The following GPC5 variants were observed in gnomAD, a reference collection of about 807,000 sequenced individuals.
GPC5 encodes glypican-5.
A neutral mutation model predicts 53.9 loss-of-function variants in GPC5; 47 were observed. The ratio of observed to expected loss-of-function variants is 0.87; its 90% CI spans 0.69 to 1.11. The LOEUF is 1.11. GPC5 is among the 50% of genes most tolerant of loss of function. GPC5 has a pLI of 0.00. For synonymous variants in GPC5, 286 were observed against 263.3 expected, an observed-to-expected ratio of 1.09 and a Z score of -0.84; for missense variants, 748 against 713.1, an observed-to-expected ratio of 1.05 and a Z score of -0.56.
At chr13:92,325,508 AT>A (rs1240263662) in intron 7 of GPC5, among the ~76,000 whole-genome samples, 1 of 152,084 alleles carries the variant, frequency 6.6e-6, no homozygotes, top group Non-Finnish European at 1.5e-5. Flanking sequence ...TGTTGTTGTG[AT>A]TCTTAAGGAT....
At chr13:92,108,084 C>T (rs1438304593) in intron 6 of GPC5, among the ~76,000 whole-genome samples, 1 of 152,130 alleles carries the variant, frequency 6.6e-6, no homozygotes, top group African/African-American at 2.4e-5. Context: ...CCAACCCAGC[C>T]ACTTTGTTCC....
At chr13:92,260,429 A>G (rs2042758036) in intron 7 of GPC5, among the ~76,000 whole-genome samples, 1 of 152,212 alleles carries the variant, frequency 6.6e-6, no homozygotes, top group African/African-American at 2.4e-5. Context: ...GGAATATGAA[A>G]GTACTATCAT....
chr13:91,923,401 T>C (rs1485670380), intron 6 of GPC5, among the ~76,000 whole-genome samples: 3 of 152,206 alleles, frequency 2.0e-5, no homozygotes, highest in Non-Finnish European at 4.4e-5. Context: ...AAGCAGTTAA[T>C]GCACCTTGAA....
chr13:92,094,919 C>T (rs1277912565), intron 6 of GPC5, among the ~76,000 whole-genome samples: 5 of 151,688 alleles, frequency 3.3e-5, no homozygotes, highest in African/African-American at 1.2e-4. Flanking sequence ...GTTCCATAAC[C>T]TTTGGCTTGT....
chr13:92,172,732 A>G (rs1214020363), intron 7 of GPC5, among the ~76,000 whole-genome samples: 1 of 151,882 alleles, frequency 6.6e-6, no homozygotes, highest in East Asian at 1.9e-4. Flanking sequence ...ACTCTCCTAT[A>G]TGTTGTTTGA....
chr13:91,889,047 C>A (rs901388613), intron 5 of GPC5, among the ~76,000 whole-genome samples: 13 of 152,198 alleles, frequency 8.5e-5, no homozygotes, highest in Admixed American at 7.2e-4. Context: ...TGCCTCGCCT[C>A]CCAGGGCTTT....
intron 6 of GPC5, among the ~76,000 whole-genome samples, chr13:92,045,859 G>A (rs2040977912): frequency 6.6e-6 from 1 of 152,044 alleles, no homozygotes; most frequent in South Asian, 2.1e-4. Flanking sequence ...CAGATATGGG[G>A]GATGAGAAAA....
chr13:92,784,460 C>G (rs1292782066), intron 7 of GPC5, among the ~76,000 whole-genome samples: 1 of 151,656 alleles, frequency 6.6e-6, no homozygotes, highest in East Asian at 1.9e-4. Flanking sequence ...AAAAGATGTA[C>G]TTTACTCACA....
chr13:91,858,137 T>G (rs1039245144), intron 5 of GPC5, among the ~76,000 whole-genome samples: 1 of 151,826 alleles, frequency 6.6e-6, no homozygotes, highest in Non-Finnish European at 1.5e-5. Context: ...CCAATTTGCA[T>G]GTCCCTTTAT....
chr13:92,373,303 A>G (rs1594142278), intron 7 of GPC5, among the ~76,000 whole-genome samples: 1 of 152,242 alleles, frequency 6.6e-6, no homozygotes, highest in East Asian at 1.9e-4. Context: ...TATATTTGTT[A>G]TGCTAATGTG....
chr13:91,465,743 C>CTTTAAA (rs1242896226), intron 2 of GPC5, among the ~76,000 whole-genome samples: 1 of 152,074 alleles, frequency 6.6e-6, no homozygotes, highest in Non-Finnish European at 1.5e-5. Flanking sequence ...GAGTACTTAT[C>CTTTAAA]TTTAACTTTT....
chr13:92,640,738 C>T (rs913134568), intron 7 of GPC5, among the ~76,000 whole-genome samples: 3 of 152,036 alleles, frequency 2.0e-5, no homozygotes, highest in Admixed American at 1.3e-4. Context: ...TAGGCAATAG[C>T]TTGAAGGGGT....
intron 1 of GPC5, among the ~76,000 whole-genome samples, chr13:91,437,490 T>C (rs1304175140): frequency 2.6e-5 from 4 of 152,264 alleles, no homozygotes; most frequent in Admixed American, 2.6e-4. Context: ...AAAATTCTTT[T>C]CTTTAAGAAT....
chr13:92,119,393 T>TTG (rs2041627639), intron 6 of GPC5, among the ~76,000 whole-genome samples: 1 of 118,628 alleles, frequency 8.4e-6, no homozygotes, highest in African/African-American at 3.3e-5. Flanking sequence ...GATTTTAGTT[T>TTG]TTTTTTTTTT....
intron 7 of GPC5, among the ~76,000 whole-genome samples, chr13:92,175,492 C>T (rs1309337852): frequency 1.3e-5 from 2 of 152,154 alleles, no homozygotes; most frequent in Non-Finnish European, 2.9e-5. Flanking sequence ...GTGATGCCTA[C>T]TGCTGTAGTC....
At chr13:92,360,392 A>G (rs1041684193) in intron 7 of GPC5, among the ~76,000 whole-genome samples, 1 of 151,782 alleles carries the variant, frequency 6.6e-6, no homozygotes, top group Non-Finnish European at 1.5e-5. Context: ...GATTGCTTCA[A>G]TAGATCCATA....
intron 2 of GPC5, among the ~76,000 whole-genome samples, chr13:91,538,293 G>A (rs1311032093): frequency 6.6e-6 from 1 of 152,096 alleles, no homozygotes; most frequent in African/African-American, 2.4e-5. Flanking sequence ...TTTGATCCAG[G>A]GATAGGAGAC....
intron 7 of GPC5, among the ~76,000 whole-genome samples, chr13:92,391,507 C>A (rs1375710373): frequency 1.3e-5 from 2 of 152,058 alleles, no homozygotes; most frequent in African/African-American, 2.4e-5. Context: ...ATGCTGAATA[C>A]CTTCAGACTT....
chr13:91,713,795 C>A (rs1019152178), intron 3 of GPC5, among the ~76,000 whole-genome samples: 2 of 152,192 alleles, frequency 1.3e-5, no homozygotes, highest in Non-Finnish European at 2.9e-5. Context: ...TTACCTCCCA[C>A]CAAATTTCCA....
Sources: gnomAD v4.1 joint callset for allele counts (sites outside exome capture counted in the v4.1 genomes callset) on GRCh38, gnomAD v4.1.1 for gene constraint, MANE v1.5 for transcripts, NCBI Gene and HGNC (gene_info 2026-07-23, HGNC 2026-07-21) for gene names.